Variants in NLE1 observed in about 807,000 individuals in gnomAD.
NLE1 encodes notchless homolog 1.
In NLE1, 37 loss-of-function variants were observed where a neutral mutation model predicts 62.8. The observed-to-expected ratio is 0.59, with a 90% confidence interval of 0.45 to 0.78. NLE1 has a LOEUF of 0.78. Ranked by LOEUF, NLE1 falls within the 30% of genes least tolerant of loss-of-function variation. The pLI, the probability that NLE1 is intolerant of heterozygous loss-of-function variation, is 0.00. For missense variants in NLE1, 555 were observed against 637.9 expected, an observed-to-expected ratio of 0.87 and a Z score of 1.40; for synonymous variants, 243 against 253.0, an observed-to-expected ratio of 0.96 and a Z score of 0.37.
chr17:35,136,542 G>A (rs369974657), intron 7 of NLE1, 45 bp from the exon 8 acceptor site: 10 of 1,582,114 alleles, frequency 6.3e-6, no homozygotes, highest in African/African-American at 2.7e-5. Context: ...TCCTCCCCAC[G>A]CCTGGGCGAT....
At chr17:35,134,042 C>T (rs2091893614) in intron 10 of NLE1, among the ~76,000 whole-genome samples, 1 of 152,186 alleles carries the variant, frequency 6.6e-6, no homozygotes, top group African/African-American at 2.4e-5. Context: ...ACAAGGTTTC[C>T]CTGGCTCTTT....
At chr17:35,136,040 T>A in intron 9 of NLE1, 129 bp downstream of exon 9, 1 of 873,992 alleles carries the variant, frequency 1.1e-6, no homozygotes, top group Non-Finnish European at 1.8e-6. Context: ...ACTAGGATTA[T>A]GAAGAACAAC....
At chr17:35,137,945 G>T in intron 4 of NLE1, 55 bp from the exon 5 acceptor site, 1 of 1,306,886 alleles carries the variant, frequency 7.7e-7, no homozygotes, top group Non-Finnish European at 1.1e-6. Flanking sequence ...TATCCCAAGT[G>T]CCCAGCAGTG....
In NLE1 at chr17:35,133,353, C is replaced by T. The variant is rs780376203; in HGVS notation, c.1360G>A (p.Gly454Ser). 4.3e-6 allele frequency: 7 copies of T among 1,614,052 alleles called. No homozygotes were observed. The highest frequency in any genetic ancestry group is 3.3e-5 in the South Asian group (3 of 91,092). The part of the protein sequence containing the change: ...KAQKLAMDLP[G>S]HADEVYAVDW... ...GTTGGCCCTACCTCATCCGCGTGGC[C>T]GGGCAGGTCCATGGCCAGCTTCTGG... is the stretch of plus-strand genomic sequence containing the variant. The change falls in exon 11 of 13, where the codon GGC becomes AGC. Residue 454 changes from glycine (G) to serine (S), a missense_variant. Transcript: ENST00000442241.
intron 10 of NLE1, 77 bp from the exon 11 acceptor site, chr17:35,133,575 A>T: frequency 7.3e-7 from 1 of 1,377,934 alleles, no homozygotes; most frequent in Non-Finnish European, 9.9e-7. Flanking sequence ...CCCTACGCTC[A>T]TGGCAGTGGT....
In NLE1 at chr17:35,133,509, A is replaced by C. The variant is rs2091890478; in HGVS notation, c.1215-11T>G. Reference sequence around the variant, plus strand: ...AGGGAAGCCAGGTACCTGGTCCAGGAGAAGACGATGATGGATTTTAGTCTG... The same window carrying C: ...AGGGAAGCCAGGTACCTGGTCCAGGCGAAGACGATGATGGATTTTAGTCTG... On this transcript the variant is annotated splice_polypyrimidine_tract_variant and intron_variant, in intron 10 of 12. Transcript: ENST00000442241. 1 of 1,604,806 alleles carries C rather than the reference A, an allele frequency of 6.2e-7. No individual in the cohort carries two copies.
In NLE1 at chr17:35,132,240, C is replaced by T. The variant is rs2091879913; in HGVS notation, c.*197G>A. On this transcript the variant is annotated 3_prime_UTR_variant, in exon 13 of 13. Transcript: ENST00000442241. ...ACTTCCTGTGACCTTCGATTTCTGG[C>T]TCTGGGGTGTGCCACAGGCGGGGAT... The T allele has an allele frequency of 7.3e-6, 3 of 408,308 alleles. No homozygotes were observed. The East Asian group carries it at 1.1e-4, about 15-fold the overall frequency. 25.3% of individuals were successfully genotyped at this position (408,308 alleles called of 1,614,324 possible). A position where few individuals can be genotyped will look rare whatever the true frequency, so the allele number is the denominator to read the frequency against.
Position 35,129,703 on chromosome 17 carries a change from A to G in NLE1, c.*2734T>C. The G allele has an allele frequency of 6.3e-7, 1 of 1,593,278 alleles. No homozygotes were observed. The highest frequency in any genetic ancestry group is 2.3e-5 in the East Asian group (1 of 44,334). On this transcript the variant is annotated 3_prime_UTR_variant, in exon 13 of 13. Transcript: ENST00000442241. Reference sequence around the variant, plus strand: ...GGGCCTTGGGGGTGGAGAGAAGTCCAAAGCCAGGGAACCAGGGCTTTGGAG... The same window carrying G: ...GGGCCTTGGGGGTGGAGAGAAGTCCGAAGCCAGGGAACCAGGGCTTTGGAG...
chr17:35,138,397 C>T (rs2091922419), intron 4 of NLE1, among the ~76,000 whole-genome samples: 1 of 152,178 alleles, frequency 6.6e-6, no homozygotes, highest in African/African-American at 2.4e-5. Flanking sequence ...AGAACTAAAC[C>T]TCTGGGGGTG....
chr17:35,140,882 AC>A (rs1312844284), intron 2 of NLE1, among the ~76,000 whole-genome samples: 20 of 152,158 alleles, frequency 1.3e-4, no homozygotes, highest in Admixed American at 1.2e-3. Context: ...AAGCCACTGC[AC>A]CCGGCCTGAA....
rs2091870858 is a variant in NLE1, at chr17:35,130,550, G to A, written c.*1887C>T. 2 of 1,133,674 alleles carry A rather than the reference G, an allele frequency of 1.8e-6. No individual in the cohort carries two copies. Among genetic ancestry groups the A allele is most frequent in the African/African-American group, 1.6e-5 (1 of 64,312 alleles). 70.2% of individuals were successfully genotyped at this position (1,133,674 alleles called of 1,614,324 possible). Reference sequence around the variant, plus strand: ...CACCCTGCGGGCCCGGGGTCTGGCAGAGTGGTATGGGCACCCCACCCCTGG... The same window carrying A: ...CACCCTGCGGGCCCGGGGTCTGGCAAAGTGGTATGGGCACCCCACCCCTGG... On this transcript the variant is annotated 3_prime_UTR_variant, in exon 13 of 13. Coordinates refer to ENST00000442241, the MANE Select transcript of NLE1 (RefSeq NM_018096.5).
At chr17:35,137,456 C>T in intron 6 of NLE1, 87 bp downstream of exon 6, 1 of 1,131,686 alleles carries the variant, frequency 8.8e-7, no homozygotes, top group Non-Finnish European at 1.3e-6. Context: ...CTTGTCCCCT[C>T]ACGTAAAACT....
intron 6 of NLE1, 63 bp downstream of exon 6, chr17:35,137,480 C>G: frequency 7.4e-7 from 1 of 1,349,554 alleles, no homozygotes; most frequent in Non-Finnish European, 1.0e-6. Flanking sequence ...ATGCATTGGG[C>G]AGGGAAAGGG....
chr17:35,130,207 G>C lies in NLE1; in HGVS notation c.*2230C>G. ...CTGAGTCAGCAGACAGAAAAAAAAGGGGTGATAGAGACAGAGAGAGAGCCA... is the reference window on the plus strand; with the variant it reads ...CTGAGTCAGCAGACAGAAAAAAAAGCGGTGATAGAGACAGAGAGAGAGCCA... On this transcript the variant is annotated 3_prime_UTR_variant, in exon 13 of 13. Transcript: ENST00000442241. The C allele has an allele frequency of 6.4e-7, 1 of 1,552,932 alleles. No individual in the cohort carries two copies. Among genetic ancestry groups the C allele is most frequent in the South Asian group, 1.2e-5 (1 of 81,072 alleles).
intron 10 of NLE1, 97 bp downstream of exon 10, chr17:35,135,152 C>G (rs1275804602): frequency 6.0e-6 from 7 of 1,169,502 alleles, no homozygotes; most frequent in Admixed American, 3.4e-5. Context: ...CTTAGAAAAT[C>G]CAAACACCTG....
intron 3 of NLE1, 32 bp from the exon 4 acceptor site, chr17:35,139,346 A>C (rs1472975392): frequency 6.4e-7 from 1 of 1,560,934 alleles, no homozygotes. Flanking sequence ...TTGACACTGC[A>C]CATGTGCATT....
At chr17:35,136,538 C>A (rs1392252845) in intron 7 of NLE1, 41 bp from the exon 8 acceptor site, 2 of 1,585,780 alleles carry the variant, frequency 1.3e-6, no homozygotes, top group East Asian at 4.5e-5. Flanking sequence ...ACACTCCTCC[C>A]CACGCCTGGG....
chr17:35,135,520 C>T (rs2142503587), intron 9 of NLE1, 69 bp from the exon 10 acceptor site: 1 of 1,400,120 alleles, frequency 7.1e-7, no homozygotes, highest in Non-Finnish European at 1.0e-6. Context: ...CCGACTTTGG[C>T]AGCAAGCATA....
chr17:35,136,868 C>G (rs2091911942), intron 7 of NLE1, 133 bp downstream of exon 7: 1 of 877,072 alleles, frequency 1.1e-6, no homozygotes, highest in South Asian at 1.7e-5. Flanking sequence ...ATTCCCAAAA[C>G]ACCTCCCTAG....
Sources: allele counts gnomAD v4.1 joint callset (sites outside exome capture counted in the v4.1 genomes callset), GRCh38; gene constraint gnomAD v4.1.1; transcripts MANE v1.5; gene names NCBI Gene and HGNC (gene_info 2026-07-23, HGNC 2026-07-21).